Variants in ASTN2 observed in about 807,000 individuals in gnomAD.
ASTN2 encodes astrotactin-2.
In ASTN2, 54 loss-of-function variants were observed where a neutral mutation model predicts 139.8. The observed-to-expected ratio is 0.39, with a 90% CI of 0.31 to 0.48. The LOEUF (loss-of-function observed/expected upper bound fraction) is 0.48. ASTN2 is among the 20% of genes least tolerant of loss of function. The probability of loss-of-function intolerance (pLI) is 0.95; values close to 1 mark genes in which losing one functional copy is unlikely to be tolerated. For missense variants in ASTN2, 1,565 were observed against 1,725.1 expected (o/e 0.91, Z 1.64); for synonymous variants, 756 against 719.5 (o/e 1.05, Z -0.81).
intron 19 of ASTN2, among the ~76,000 whole-genome samples, chr9:116,607,673 ACACACACACACAC>A (rs1855281664): frequency 6.9e-4 from 5 of 7,270 alleles, no homozygotes; most frequent in Non-Finnish European, 1.1e-3. Flanking sequence ...AGAAATTAAC[ACACACACACACAC>A]ACACACACAC....
intron 4 of ASTN2, among the ~76,000 whole-genome samples, chr9:117,119,990 A>ATGTGTGTGTGTGTGTG (rs752111718): frequency 9.6e-4 from 70 of 73,198 alleles, no homozygotes; most frequent in South Asian, 3.2e-3. Flanking sequence ...ATATATTTGT[A>ATGTGTGTGTGTGTGTG]TGTGTGTGTG....
At chr9:117,033,000 A>G (rs1838289124) in intron 6 of ASTN2, among the ~76,000 whole-genome samples, 1 of 152,174 alleles carries the variant, frequency 6.6e-6, no homozygotes, top group African/African-American at 2.4e-5. Flanking sequence ...ATATCAATAT[A>G]TAAAATTGTG....
intron 10 of ASTN2, among the ~76,000 whole-genome samples, chr9:116,969,877 A>T (rs556437229): frequency 6.6e-6 from 1 of 152,324 alleles, no homozygotes; most frequent in Admixed American, 6.5e-5. Flanking sequence ...TGCTGCAACA[A>T]ATCACCACAA....
intron 2 of ASTN2, among the ~76,000 whole-genome samples, chr9:117,271,089 T>C (rs1834052877): frequency 6.6e-6 from 1 of 152,156 alleles, no homozygotes; most frequent in Admixed American, 6.5e-5. Context: ...CCTGGACTTG[T>C]ATCAGTCCAT....
intron 10 of ASTN2, among the ~76,000 whole-genome samples, chr9:116,909,725 G>A (rs1052986156): frequency 2.6e-5 from 4 of 152,202 alleles, no homozygotes; most frequent in Non-Finnish European, 4.4e-5. Context: ...TGCCTGTGAG[G>A]TAGGCAGAAA....
intron 16 of ASTN2, chr9:116,697,859 T>C: frequency 6.2e-7 from 1 of 1,614,200 alleles, no homozygotes; most frequent in Non-Finnish European, 8.5e-7. Flanking sequence ...TTCTGCACTG[T>C]GGCCATACCA....
intron 16 of ASTN2, among the ~76,000 whole-genome samples, chr9:116,678,996 C>T (rs947420471): frequency 2.0e-5 from 3 of 152,160 alleles, no homozygotes; most frequent in Non-Finnish European, 4.4e-5. Flanking sequence ...GAAAGGGTTT[C>T]GTTTTTCCCT....
intron 16 of ASTN2, among the ~76,000 whole-genome samples, chr9:116,670,978 C>T (rs759629153): frequency 2.0e-5 from 3 of 151,710 alleles, no homozygotes; most frequent in Admixed American, 6.6e-5. Flanking sequence ...AGGAAATAAA[C>T]TAGAAAGGAA....
chr9:116,568,775 A>C (rs1245263462), intron 19 of ASTN2: 1 of 152,240 alleles, frequency 6.6e-6, no homozygotes, highest in Non-Finnish European at 1.5e-5. Flanking sequence ...GACCAAATTG[A>C]ACCAGGCAAG....
At chr9:116,829,773 C>G (rs1343792657) in intron 11 of ASTN2, among the ~76,000 whole-genome samples, 1 of 152,134 alleles carries the variant, frequency 6.6e-6, no homozygotes, top group African/African-American at 2.4e-5. Flanking sequence ...TGGGTGGGAA[C>G]ACAAATCCAA....
chr9:117,290,651 T>C (rs1426275603), intron 2 of ASTN2, among the ~76,000 whole-genome samples: 1 of 152,230 alleles, frequency 6.6e-6, no homozygotes, highest in Non-Finnish European at 1.5e-5. Flanking sequence ...AATTCTTGAA[T>C]TGAGAGAAAA....
intron 12 of ASTN2, among the ~76,000 whole-genome samples, chr9:116,818,935 G>A (rs1831409366): frequency 6.6e-6 from 1 of 152,096 alleles, no homozygotes; most frequent in East Asian, 1.9e-4. Context: ...CCTTCAGAGG[G>A]TAACAAATAT....
chr9:117,062,291 T>G (rs1258860753), intron 5 of ASTN2, among the ~76,000 whole-genome samples: 2 of 152,096 alleles, frequency 1.3e-5, no homozygotes, highest in African/African-American at 4.8e-5. Flanking sequence ...CACACAAGAA[T>G]AGGGCCACAA....
At chr9:117,052,178 T>C (rs555804596) in intron 5 of ASTN2, among the ~76,000 whole-genome samples, 5 of 152,240 alleles carry the variant, frequency 3.3e-5, no homozygotes, top group South Asian at 4.2e-4. Context: ...TGGTGGCTCA[T>C]GCCTGTAATC....
chr9:116,572,881 A>G (rs1234982674), intron 19 of ASTN2, among the ~76,000 whole-genome samples: 1 of 152,112 alleles, frequency 6.6e-6, no homozygotes, highest in Admixed American at 6.5e-5. Context: ...CTCTTGTGAG[A>G]AGAAAGGGAA....
At chr9:117,012,415 T>C (rs1358396624) in intron 6 of ASTN2, among the ~76,000 whole-genome samples, 2 of 152,202 alleles carry the variant, frequency 1.3e-5, no homozygotes, top group East Asian at 3.9e-4. Flanking sequence ...AGTAACTTTG[T>C]GCCAAATTTA....
At chr9:116,890,334 G>A (rs10817954) in intron 10 of ASTN2, among the ~76,000 whole-genome samples, 56,622 of 152,076 alleles carry the variant, frequency 0.37, 12,549 homozygotes, top group Non-Finnish European at 0.5. Context: ...CACCTGCCAC[G>A]CAGATGATCG....
intron 13 of ASTN2, among the ~76,000 whole-genome samples, chr9:116,803,915 C>T (rs983489570): frequency 9.2e-5 from 14 of 151,920 alleles, no homozygotes; most frequent in Non-Finnish European, 1.6e-4. Context: ...ATCCTCCCAC[C>T]TAGGCCTCCC....
chr9:116,565,493 T>C (rs2131675275), intron 19 of ASTN2, among the ~76,000 whole-genome samples: 1 of 148,118 alleles, frequency 6.8e-6, no homozygotes, highest in South Asian at 2.2e-4. Flanking sequence ...AGTAGTGTGA[T>C]ATCGGCTCAC....
Sources: allele counts gnomAD v4.1 joint callset (sites outside exome capture counted in the v4.1 genomes callset), GRCh38; gene constraint gnomAD v4.1.1; transcripts MANE v1.5; gene names NCBI Gene and HGNC (gene_info 2026-07-23, HGNC 2026-07-21).